SLC14A2: variants seen among roughly 807,000 people sequenced by gnomAD.
The protein encoded by SLC14A2 is urea transporter 2.
SLC14A2 carries 91 observed loss-of-function variants against 104.6 expected under a neutral mutation model. That is an observed-to-expected ratio of 0.87 (90% CI 0.73 to 1.04). The LOEUF (loss-of-function observed/expected upper bound fraction) is 1.04. SLC14A2 is among the 50% of genes least tolerant of loss of function. The pLI is 0.00. For synonymous variants in SLC14A2, 476 were observed against 466.4 expected (o/e 1.02, Z -0.27); for missense variants, 1,189 against 1,156.0 (o/e 1.03, Z -0.41).
intron 1 of SLC14A2, among the ~76,000 whole-genome samples, chr18:45,403,776 A>ATGAATGAATGAATGAATGAATGAATGAG (rs1555682873): frequency 1.8e-4 from 28 of 152,008 alleles, no homozygotes; most frequent in African/African-American, 5.1e-4. Context: ...GAATGAATGA[A>ATGAATGAATGAATGAATGAATGAATGAG]TGAATGAATA....
intron 1 of SLC14A2, among the ~76,000 whole-genome samples, chr18:45,295,583 G>A (rs1217055541): frequency 1.3e-5 from 2 of 152,120 alleles, no homozygotes; most frequent in African/African-American, 2.4e-5. Context: ...AGTCACTGCC[G>A]GATAAGAATC....
At chr18:45,281,736 T>G (rs1223733039) in intron 1 of SLC14A2, among the ~76,000 whole-genome samples, 1 of 152,226 alleles carries the variant, frequency 6.6e-6, no homozygotes, top group Non-Finnish European at 1.5e-5. Context: ...GAAGTCATCC[T>G]GCCTGGGTCA....
chr18:45,208,029 A>G (rs2083930380), upstream of SLC14A2, among the ~76,000 whole-genome samples: 1 of 152,176 alleles, frequency 6.6e-6, no homozygotes, highest in Non-Finnish European at 1.5e-5. Context: ...TGGGACCCAA[A>G]GCCAAACCTT....
chr18:45,189,914 G>A, the SLC14A2 span, among the ~76,000 whole-genome samples: 2 of 152,090 alleles, frequency 1.3e-5, no homozygotes, highest in Non-Finnish European at 2.9e-5. Flanking sequence ...ATTTAGATGA[G>A]GCCCAGCTCT....
chr18:45,590,184 C>T (rs1408953928), intron 2 of SLC14A2, among the ~76,000 whole-genome samples: 1 of 152,182 alleles, frequency 6.6e-6, no homozygotes, highest in Non-Finnish European at 1.5e-5. Flanking sequence ...CAGGGTCCAA[C>T]AGTTTGAAAA....
chr18:45,401,887 A>G (rs1030729153), intron 1 of SLC14A2, among the ~76,000 whole-genome samples: 5 of 152,202 alleles, frequency 3.3e-5, no homozygotes, highest in African/African-American at 1.2e-4. Context: ...TCATTCCCAG[A>G]TTATAGTTTA....
chr18:45,172,895 C>T, the SLC14A2 span, among the ~76,000 whole-genome samples: 2 of 152,114 alleles, frequency 1.3e-5, no homozygotes, highest in Non-Finnish European at 2.9e-5. Flanking sequence ...ACTAAATTGA[C>T]ACTACCAACT....
chr18:45,573,669 C>T (rs999275222), intron 2 of SLC14A2, among the ~76,000 whole-genome samples: 10 of 152,218 alleles, frequency 6.6e-5, no homozygotes, highest in Admixed American at 4.6e-4. Context: ...AATTCCCTTA[C>T]ATGGGATGTG....
chr18:45,334,879 C>T (rs1435742717), intron 1 of SLC14A2, among the ~76,000 whole-genome samples: 3 of 152,174 alleles, frequency 2.0e-5, no homozygotes, highest in African/African-American at 7.2e-5. Flanking sequence ...GGGGTCTACC[C>T]AGAAAGCCCT....
chr18:45,358,744 C>A (rs2085580324), intron 1 of SLC14A2, among the ~76,000 whole-genome samples: 1 of 152,088 alleles, frequency 6.6e-6, no homozygotes. Context: ...ACCCAGCTAA[C>A]TTTTTCGTAT....
At chr18:45,650,622 A>G (rs140440492) in intron 10 of SLC14A2, among the ~76,000 whole-genome samples, 110 of 152,348 alleles carry the variant, frequency 7.2e-4, no homozygotes, top group Middle Eastern at 3.4e-3. Context: ...CAAGGAATTC[A>G]TTTTATGGGA....
chr18:45,545,412 G>C (rs969204077), intron 2 of SLC14A2, among the ~76,000 whole-genome samples: 4 of 152,032 alleles, frequency 2.6e-5, no homozygotes, highest in Non-Finnish European at 5.9e-5. Flanking sequence ...ATGCTCTTGG[G>C]CTGATTTTCT....
At chr18:45,673,609 TGGTA>T in intron 17 of SLC14A2, 70 bp from the exon 18 acceptor site, 1 of 1,534,148 alleles carries the variant, frequency 6.5e-7, no homozygotes, top group East Asian at 2.3e-5. Context: ...TTGAGGACTG[TGGTA>T]GGTTTCAGGG....
In SLC14A2 at chr18:45,637,091, C is replaced by T; in HGVS notation, c.752C>T (p.Thr251Ile). The T allele has an allele frequency of 6.2e-7, 1 of 1,614,194 alleles. No individual in the cohort carries two copies. Among genetic ancestry groups the T allele is most frequent in the Non-Finnish European group, 8.5e-7 (1 of 1,179,994 alleles). The change falls in exon 6 of 20, where the codon ACA becomes ATA. Residue 251 changes from threonine to isoleucine, a missense_variant. Transcript: ENST00000255226. ...NIAVTLYLAA[T>I]GHYNLFFPTT... is the part of the protein sequence containing the mutation. The stretch of plus-strand genomic sequence containing the variant: ...GCAGTCACCTTGTACCTTGCAGCCA[C>T]AGGCCACTACAACCTCTTCTTCCCC...
intron 1 of SLC14A2, among the ~76,000 whole-genome samples, chr18:45,290,918 C>T (rs2144166217): frequency 6.6e-6 from 1 of 152,260 alleles, no homozygotes; most frequent in East Asian, 1.9e-4. Flanking sequence ...GCATTAGAGA[C>T]CATCTCTGAC....
At chr18:45,287,062 C>T (rs764376924) in intron 1 of SLC14A2, among the ~76,000 whole-genome samples, 1 of 152,190 alleles carries the variant, frequency 6.6e-6, no homozygotes, top group African/African-American at 2.4e-5. Flanking sequence ...GCCATTTGCA[C>T]ATTGTCTCAT....
At chr18:45,657,916 C>A (rs1020289897) in intron 10 of SLC14A2, among the ~76,000 whole-genome samples, 1 of 152,160 alleles carries the variant, frequency 6.6e-6, no homozygotes, top group African/African-American at 2.4e-5. Flanking sequence ...CCATATCGCA[C>A]ACACAGAGAA....
intron 2 of SLC14A2, among the ~76,000 whole-genome samples, chr18:45,513,217 C>T (rs2144791998): frequency 6.6e-6 from 1 of 152,280 alleles, no homozygotes. Flanking sequence ...ACCCTCTCCC[C>T]AGATTTTACT....
chr18:45,242,435 C>T (rs1420184862), intron 1 of SLC14A2, among the ~76,000 whole-genome samples: 1 of 152,174 alleles, frequency 6.6e-6, no homozygotes, highest in East Asian at 1.9e-4. Context: ...AACTCGATTG[C>T]TCCATGTTGC....
Sources: gnomAD v4.1 joint callset for allele counts (sites outside exome capture counted in the v4.1 genomes callset) on GRCh38, gnomAD v4.1.1 for gene constraint, MANE v1.5 for transcripts, NCBI Gene and HGNC (gene_info 2026-07-23, HGNC 2026-07-21) for gene names.